Variants in DGKH observed in about 807,000 individuals in gnomAD.
The protein encoded by DGKH is diacylglycerol kinase eta.
DGKH carries 90 observed loss-of-function variants against 159.3 expected under a neutral mutation model. That is an observed-to-expected ratio of 0.57 (90% confidence interval 0.48 to 0.67). The LOEUF (loss-of-function observed/expected upper bound fraction) is 0.67. DGKH is among the 30% of genes least tolerant of loss of function. The pLI is 0.00. For missense variants in DGKH, 1,181 were observed against 1,506.1 expected (o/e 0.78, Z 3.57); for synonymous variants, 536 against 553.8 (o/e 0.97, Z 0.45).
upstream of DGKH, among the ~76,000 whole-genome samples, chr13:42,048,588 G>A (rs1880967877): frequency 6.6e-6 from 1 of 152,206 alleles, no homozygotes; most frequent in Non-Finnish European, 1.5e-5. This position sits in a 1 kb window ranked among gnomAD's most constrained non-coding sequence, Gnocchi z 6.7. Flanking sequence ...GGAGGAGCCG[G>A]GTGGACCCCT....
upstream of DGKH, among the ~76,000 whole-genome samples, chr13:42,044,887 C>G (rs951738004): frequency 1.7e-4 from 26 of 152,046 alleles, no homozygotes; most frequent in African/African-American, 6.3e-4. Context: ...AGATATTTAG[C>G]CAAACAAGCC....
chr13:42,179,505 G>T (rs1956693447), intron 13 of DGKH, among the ~76,000 whole-genome samples: 1 of 152,104 alleles, frequency 6.6e-6, no homozygotes, highest in African/African-American at 2.4e-5. Context: ...AGGTACCGTG[G>T]CTCATGCCTG....
At chr13:42,210,312 C>A (rs1025922464) in intron 23 of DGKH, among the ~76,000 whole-genome samples, 9 of 151,798 alleles carry the variant, frequency 5.9e-5, no homozygotes, top group Non-Finnish European at 1.0e-4. Flanking sequence ...AAAAAAAAAT[C>A]TTTTTTGTAG....
At chr13:42,187,972 C>G (rs1213988509) in intron 14 of DGKH, among the ~76,000 whole-genome samples, 1 of 152,182 alleles carries the variant, frequency 6.6e-6, no homozygotes, top group African/African-American at 2.4e-5. Context: ...ACAACAGGAC[C>G]TTCTTACAAA....
intron 29 of DGKH, among the ~76,000 whole-genome samples, chr13:42,227,427 A>G (rs529775784): frequency 6.6e-6 from 1 of 152,318 alleles, no homozygotes; most frequent in East Asian, 1.9e-4. Context: ...TAAAATATTT[A>G]ATATTTAAAT....
chr13:42,219,597 A>G, intron 27 of DGKH, 89 bp from the exon 28 acceptor site: 1 of 1,323,632 alleles, frequency 7.6e-7, no homozygotes, highest in East Asian at 2.5e-5. Context: ...TAGTGTTTAT[A>G]ACTTATTCCT....
intron 29 of DGKH, 90 bp from the exon 30 acceptor site, chr13:42,229,009 T>C: frequency 2.7e-6 from 3 of 1,121,064 alleles, no homozygotes; most frequent in Non-Finnish European, 3.8e-6. Context: ...CAATAAACTT[T>C]TTTCCTTTTC....
chr13:42,191,718 TTAGA>T (rs1201122867), intron 16 of DGKH, among the ~76,000 whole-genome samples: 2 of 152,098 alleles, frequency 1.3e-5, no homozygotes, highest in African/African-American at 4.8e-5. Flanking sequence ...ATGAAAAAAA[TTAGA>T]TAGTAGGTTT....
intron 20 of DGKH, among the ~76,000 whole-genome samples, chr13:42,201,713 T>C (rs1205200907): frequency 6.6e-6 from 1 of 152,180 alleles, no homozygotes; most frequent in Non-Finnish European, 1.5e-5. Context: ...AATACAGACT[T>C]ACAAAAGAAG....
chr13:42,052,041 T>C (rs1368930890), intron 1 of DGKH, among the ~76,000 whole-genome samples: 1 of 152,202 alleles, frequency 6.6e-6, no homozygotes, highest in Non-Finnish European at 1.5e-5. Context: ...TGGTCAAATA[T>C]GGAATGCTTC....
intron 1 of DGKH, among the ~76,000 whole-genome samples, chr13:42,095,372 A>G (rs1050896021): frequency 5.3e-5 from 8 of 151,956 alleles, no homozygotes; most frequent in African/African-American, 1.9e-4. Context: ...CATGTTGGCC[A>G]GGCTGGTCTT....
chr13:42,126,698 A>G (rs1955177732), intron 1 of DGKH, among the ~76,000 whole-genome samples: 1 of 152,130 alleles, frequency 6.6e-6, no homozygotes, highest in South Asian at 2.1e-4. Flanking sequence ...AGATGCCTCA[A>G]ATATCCATGT....
chr13:42,255,958 C>T (rs2230275), intron 30 of DGKH: 77 of 1,608,580 alleles, frequency 4.8e-5, no homozygotes, highest in Middle Eastern at 1.7e-4. Context: ...CTGCTCATGA[C>T]GCTCTGGTTG....
intron 11 of DGKH, 119 bp from the exon 12 acceptor site, chr13:42,173,941 A>ATG (rs71298955): frequency 0.12 from 57,753 of 473,700 alleles, 2,292 homozygotes; most frequent in East Asian, 0.36. Flanking sequence ...TAGTTCATGA[A>ATG]TGTGTGTGTG....
At chr13:42,189,011 T>C (rs1206081934) in intron 14 of DGKH, 25 bp from the exon 15 acceptor site, 1 of 1,594,854 alleles carries the variant, frequency 6.3e-7, no homozygotes, top group Non-Finnish European at 8.6e-7. Flanking sequence ...TGAGTATTTT[T>C]CTCATTGCCA....
Position 42,048,724 on chromosome 13 carries a change from C to T in DGKH, c.-50C>T. On this transcript the variant is annotated 5_prime_UTR_variant, in exon 1 of 30. In the 5' UTR this introduces an upstream ATG that the reference lacks. Transcript: ENST00000337343. The surrounding 1 kb of genome is among the most constrained non-coding windows in gnomAD (Gnocchi z 6.7). ...CGGGCAGAGCCCACCCGCTGACCAA[C>T]GCCGCCGCCCCCGCCGGGCGGTGCT... 8.1e-7 allele frequency: 1 copy of T among 1,240,914 alleles called. No homozygotes were observed. Among genetic ancestry groups the T allele is most frequent in the Non-Finnish European group, 1.0e-6 (1 of 986,422 alleles). 76.9% of individuals were successfully genotyped at this position (1,240,914 alleles called of 1,614,324 possible). A position where few individuals can be genotyped will look rare whatever the true frequency, so the allele number is the denominator to read the frequency against.
chr13:42,201,143 C>T (rs1172153011), intron 20 of DGKH, among the ~76,000 whole-genome samples: 1 of 152,040 alleles, frequency 6.6e-6, no homozygotes, highest in Non-Finnish European at 1.5e-5. Flanking sequence ...CAGGTGCACG[C>T]CACCACGCCC....
intron 1 of DGKH, among the ~76,000 whole-genome samples, chr13:42,105,462 C>A (rs1247116697): frequency 6.6e-6 from 1 of 152,186 alleles, no homozygotes; most frequent in Non-Finnish European, 1.5e-5. Flanking sequence ...TACATTCCAA[C>A]CATAGCAGTG....
chr13:42,115,094 ATGG>A (rs955304007), intron 1 of DGKH, among the ~76,000 whole-genome samples: 8 of 152,248 alleles, frequency 5.3e-5, no homozygotes, highest in African/African-American at 1.7e-4. Context: ...GAGCTAGTAA[ATGG>A]TGGAGGCGGA....
Sources: gnomAD v4.1 joint callset for allele counts (sites outside exome capture counted in the v4.1 genomes callset) on GRCh38, gnomAD v4.1.1 for gene constraint, Gnocchi (gnomAD v3.1) non-coding constraint, MANE v1.5 for transcripts, NCBI Gene and HGNC (gene_info 2026-07-23, HGNC 2026-07-21) for gene names.